The following ZBTB44 variants were observed in gnomAD, a reference collection of about 807,000 sequenced individuals.
ZBTB44 encodes the protein zinc finger and BTB domain-containing protein 44.
Under a neutral mutation model 54.0 loss-of-function variants are expected in ZBTB44, and 15 were observed. The ratio of observed to expected loss-of-function variants is 0.28; its 90% CI spans 0.19 to 0.43. The LOEUF is 0.43. Ranked by LOEUF, ZBTB44 falls within the 20% of genes least tolerant of loss-of-function variation. The pLI is 1.00. For missense variants in ZBTB44, 487 were observed against 707.1 expected (o/e 0.69, Z 3.53); for synonymous variants, 230 against 250.1 (o/e 0.92, Z 0.76).
chr11:130,314,585 G>GC lies in ZBTB44; in HGVS notation c.-268dup, dbSNP rs200199156. 1 allele frequency: 151,589 copies of GC among 151,598 alleles called. 75,790 individuals are homozygous for GC. Among genetic ancestry groups the GC allele is most frequent in the Middle Eastern group, 1 (292 of 292 alleles). The allele number at this position is 151,598 out of a possible 1,614,324, so 9.4% of individuals were successfully genotyped here. A position where few individuals can be genotyped will look rare whatever the true frequency, so the allele number is the denominator to read the frequency against. On this transcript the variant is annotated 5_prime_UTR_variant, in exon 1 of 8. Coordinates refer to ENST00000357899, the MANE Select transcript of ZBTB44 (RefSeq NM_001301098.2). ...GCCTGTGGTGGGGCATGGCGGCACA[G>GC]CCACCGGCGTGCCCGCGAGTGGGAG...
Position 130,239,796 on chromosome 11 carries a change from C to T in ZBTB44, c.1103+16G>A, listed in dbSNP as rs893160526. The T allele has an allele frequency of 3.7e-6, 6 of 1,605,328 alleles. No homozygotes were observed. The highest frequency in any genetic ancestry group is 1.7e-4 in the Middle Eastern group (1 of 6,046). ...ACAACCCTTAAGAGGTAACGAAATGCTATGTTAGTACTGACCGATCATCAT... is the reference window on the plus strand; with the variant it reads ...ACAACCCTTAAGAGGTAACGAAATGTTATGTTAGTACTGACCGATCATCAT... On this transcript the variant is annotated intron_variant, in intron 3 of 7. Transcript: ENST00000357899.
intron 2 of ZBTB44, among the ~76,000 whole-genome samples, chr11:130,242,752 A>C (rs1448043966): frequency 2.0e-5 from 3 of 152,008 alleles, no homozygotes; most frequent in African/African-American, 7.3e-5. Context: ...TTTTCTCTAC[A>C]ATGTATCTAG....
intron 2 of ZBTB44, among the ~76,000 whole-genome samples, chr11:130,251,410 C>T (rs1174923390): frequency 2.0e-5 from 3 of 152,214 alleles, no homozygotes; most frequent in Non-Finnish European, 4.4e-5. Context: ...AACCTAGCAA[C>T]ACAGGCCAAC....
At chr11:130,252,099 G>GA (rs976145191) in intron 2 of ZBTB44, among the ~76,000 whole-genome samples, 1 of 151,326 alleles carries the variant, frequency 6.6e-6, no homozygotes, top group African/African-American at 2.4e-5. Flanking sequence ...CAAATGGAAA[G>GA]AAAAAAAAGA....
At position 130,270,036 on chromosome 11, in the gene ZBTB44, G is replaced by T. The variant is rs151132371; in HGVS notation, c.-56-8107C>A. Among the ~76,000 whole-genome samples, 67 of 152,264 alleles carry T rather than the reference G, an allele frequency of 4.4e-4. No homozygotes were observed. In the East Asian group the frequency reaches 0.013, roughly 28 times the overall value. On this transcript the variant is annotated intron_variant, in intron 1 of 7. Transcript: ENST00000357899. Reference sequence around the variant, plus strand: ...TGATAAAAATTATCAGAAGATTTGAGATTAAAACGAAGTAGCTCTTAGCAT... The same window carrying T: ...TGATAAAAATTATCAGAAGATTTGATATTAAAACGAAGTAGCTCTTAGCAT...
intron 2 of ZBTB44, among the ~76,000 whole-genome samples, chr11:130,248,399 T>TG (rs1462191570): frequency 1.3e-5 from 2 of 152,196 alleles, no homozygotes; most frequent in African/African-American, 4.8e-5. Flanking sequence ...CTCAGCACTT[T>TG]GGGAGGCTGA....
intron 1 of ZBTB44, chr11:130,284,958 ACTT>A (rs1425471027): frequency 6.6e-6 from 1 of 152,534 alleles, no homozygotes; most frequent in African/African-American, 2.4e-5. Flanking sequence ...GTATATTTTG[ACTT>A]CTTTTCTTTG....
chr11:130,271,834 G>C (rs917547638), intron 1 of ZBTB44, among the ~76,000 whole-genome samples: 2 of 152,158 alleles, frequency 1.3e-5, no homozygotes, highest in South Asian at 2.1e-4. Flanking sequence ...GGGTATATGT[G>C]TAAGACAGGA....
intron 1 of ZBTB44, among the ~76,000 whole-genome samples, chr11:130,266,552 G>C (rs1939262267): frequency 6.6e-6 from 1 of 152,176 alleles, no homozygotes; most frequent in Admixed American, 6.5e-5. Flanking sequence ...AAAACTTTCT[G>C]GAAAAGATTC....
intron 1 of ZBTB44, among the ~76,000 whole-genome samples, chr11:130,270,105 G>C (rs140201014): frequency 6.6e-6 from 1 of 152,188 alleles, no homozygotes; most frequent in Non-Finnish European, 1.5e-5. Context: ...AGAAAGTAAT[G>C]AGACTGTTAA....
chr11:130,262,034 T>TC, intron 1 of ZBTB44, 105 bp from the exon 2 acceptor site: 1 of 854,028 alleles, frequency 1.2e-6, no homozygotes, highest in Non-Finnish European at 1.7e-6. Flanking sequence ...AGCTGAAAGA[T>TC]GGTAGTGACA....
intron 1 of ZBTB44, among the ~76,000 whole-genome samples, chr11:130,273,706 T>C (rs1432655244): frequency 6.6e-6 from 1 of 151,818 alleles, no homozygotes; most frequent in African/African-American, 2.4e-5. Context: ...CTCAACTTGT[T>C]TATTAGTCCT....
chr11:130,279,308 T>TA (rs757969480), intron 1 of ZBTB44, among the ~76,000 whole-genome samples: 3,821 of 110,100 alleles, frequency 0.035, 63 homozygotes, highest in African/African-American at 0.054. Context: ...TACTGTTATT[T>TA]AAAAAAAAAA....
chr11:130,296,386 A>G, intron 1 of ZBTB44: 8 of 1,521,240 alleles, frequency 5.3e-6, no homozygotes, highest in Middle Eastern at 2.1e-4. Context: ...TTGCTGAACT[A>G]CATTGATTTG....
chr11:130,304,300 T>A (rs1490555864), intron 1 of ZBTB44, among the ~76,000 whole-genome samples: 1 of 152,168 alleles, frequency 6.6e-6, no homozygotes, highest in Non-Finnish European at 1.5e-5. Context: ...AAACACCCCA[T>A]AACGCTTATA....
At chr11:130,281,099 T>TGA (rs931560441) in intron 1 of ZBTB44, among the ~76,000 whole-genome samples, 14 of 152,112 alleles carry the variant, frequency 9.2e-5, no homozygotes, top group African/African-American at 3.4e-4. Context: ...TGAACAAAAA[T>TGA]GAAACACATC....
intron 2 of ZBTB44, among the ~76,000 whole-genome samples, chr11:130,250,355 C>T (rs1041234600): frequency 6.6e-6 from 1 of 152,194 alleles, no homozygotes; most frequent in African/African-American, 2.4e-5. Context: ...ACTTAAACGT[C>T]CCTGCCTGCA....
chr11:130,299,117 G>A (rs1297107574), intron 1 of ZBTB44, among the ~76,000 whole-genome samples: 6 of 151,528 alleles, frequency 4.0e-5, no homozygotes, highest in African/African-American at 1.5e-4. Flanking sequence ...GGCAATCATC[G>A]TCACCACATT....
At position 130,301,150 on chromosome 11, in the gene ZBTB44, G is replaced by A. The variant is rs141981230; in HGVS notation, c.-57+13225C>T. Among the ~76,000 whole-genome samples the A allele has an allele frequency of 9.9e-5, 15 of 152,270 alleles. No homozygotes were observed. The East Asian group carries it at 2.9e-3, about 29-fold the overall frequency. On this transcript the variant is annotated intron_variant, in intron 1 of 7. Transcript: ENST00000357899. ...AATGGGATTCAGAGGATGAGTGAAA[G>A]GATTAGCCTTAAACAGGCGGAGGCC...
Sources: allele counts gnomAD v4.1 joint callset (sites outside exome capture counted in the v4.1 genomes callset), GRCh38; gene constraint gnomAD v4.1.1; transcripts MANE v1.5; gene names NCBI Gene and HGNC (gene_info 2026-07-23, HGNC 2026-07-21).